The following ITK variants were observed in gnomAD, a reference collection of about 807,000 sequenced individuals.
ITK encodes tyrosine-protein kinase ITK/TSK.
A neutral mutation model predicts 87.6 loss-of-function variants in ITK; 45 were observed. That is an observed-to-expected ratio of 0.51 (90% confidence interval 0.40 to 0.66). The LOEUF is 0.66. Among genes scored for constraint, ITK ranks in the 30% least tolerant of loss-of-function variants. The probability of loss-of-function intolerance (pLI) is 0.00; values close to 1 mark genes in which losing one functional copy is unlikely to be tolerated. For missense variants in ITK, 605 were observed against 766.3 expected, an observed-to-expected ratio of 0.79 and a Z score of 2.48; for synonymous variants, 303 against 273.6, an observed-to-expected ratio of 1.11 and a Z score of -1.06.
At chr5:157,212,718 G>A (rs1754214846) in intron 3 of ITK, among the ~76,000 whole-genome samples, 1 of 152,054 alleles carries the variant, frequency 6.6e-6, no homozygotes, top group Admixed American at 6.6e-5. Flanking sequence ...CAGGCATGGT[G>A]GCACATGCCT....
chr5:157,186,679 A>T (rs1208778821), intron 1 of ITK, among the ~76,000 whole-genome samples: 3 of 108,204 alleles, frequency 2.8e-5, no homozygotes, highest in Non-Finnish European at 5.9e-5. Flanking sequence ...TCCGTCTCAA[A>T]AAAAGAGAGA....
chr5:157,235,418 G>A (rs1351371677), intron 8 of ITK, among the ~76,000 whole-genome samples: 1 of 152,158 alleles, frequency 6.6e-6, no homozygotes, highest in Non-Finnish European at 1.5e-5. Context: ...TCTTGTCTTT[G>A]AACCTTTATG....
At chr5:157,205,724 T>G (rs143001410) in intron 1 of ITK, among the ~76,000 whole-genome samples, 1 of 152,202 alleles carries the variant, frequency 6.6e-6, no homozygotes, top group Non-Finnish European at 1.5e-5. Context: ...CCATTCAGTA[T>G]GATGTTGGCT....
Position 157,208,906 on chromosome 5 carries a change from G to A in ITK, c.156G>A (p.Lys52=), listed in dbSNP as rs1258351156. The A allele has an allele frequency of 6.2e-7, 1 of 1,613,442 alleles. No individual in the cohort carries two copies. The highest frequency in any genetic ancestry group is 2.2e-5 in the East Asian group (1 of 44,854). The change falls in exon 2 of 17, where the codon AAG becomes AAA. Residue 52 remains lysine, a synonymous_variant. Coordinates refer to ENST00000422843, the MANE Select transcript of ITK (RefSeq NM_005546.4). The part of the protein sequence containing the change: ...EDRHGKKRTL[K]GSIELSRIKC... ...CCCCACAGAAGAAGCGCACGCTGAA[G>A]GGGTCCATTGAGCTCTCCCGAATCA...
At position 157,211,292 on chromosome 5, in the gene ITK, G is replaced by C; in HGVS notation, c.249G>C (p.Val83=). 1 of 1,613,704 alleles carries C rather than the reference G, an allele frequency of 6.2e-7. No homozygotes were observed. The highest frequency in any genetic ancestry group is 8.5e-7 in the Non-Finnish European group (1 of 1,179,680). ...CTCTGTGTGTGTGTCTCCAGGTGGT[G>C]CATGACAACTACCTCCTATATGTGT... ...PCHYKYPFQV[V]HDNYLLYVFA... Residue 83 remains valine, a synonymous_variant, in exon 3 of 17, where the codon GTG becomes GTC. Transcript: ENST00000422843.
rs1307622159 is a variant in ITK, at chr5:157,181,590, G to A, written c.138+475G>A. ...TTAGAATGGTTAAGTTTTGGGTTCA[G>A]TGTTAACGTTTTCATGAATAACTCT... On this transcript the variant is annotated intron_variant, in intron 1 of 16. Coordinates refer to ENST00000422843, the MANE Select transcript of ITK (RefSeq NM_005546.4). Among the ~76,000 whole-genome samples, 3 of 152,202 alleles carry A rather than the reference G, an allele frequency of 2.0e-5. No individual in the cohort carries two copies. The East Asian group carries it at 5.8e-4, about 29-fold the overall frequency.
At chr5:157,247,916 C>T (rs147186886) in intron 15 of ITK, among the ~76,000 whole-genome samples, 61 of 152,300 alleles carry the variant, frequency 4.0e-4, no homozygotes, top group South Asian at 2.1e-3. Flanking sequence ...GTTTCAGCAT[C>T]GGCACATTTT....
At chr5:157,229,775 G>A (rs79834934) in intron 7 of ITK, among the ~76,000 whole-genome samples, 2,486 of 152,264 alleles carry the variant, frequency 0.016, 27 homozygotes, top group Non-Finnish European at 0.027. Flanking sequence ...TTATCCGGGT[G>A]TGATGGCACA....
intron 1 of ITK, among the ~76,000 whole-genome samples, chr5:157,182,152 T>A (rs938902445): frequency 6.6e-6 from 1 of 152,278 alleles, no homozygotes; most frequent in Non-Finnish European, 1.5e-5. Flanking sequence ...ATATTATTTT[T>A]ACATCATTAG....
intron 1 of ITK, among the ~76,000 whole-genome samples, chr5:157,189,659 C>A (rs375942539): frequency 6.6e-6 from 1 of 151,938 alleles, no homozygotes; most frequent in Non-Finnish European, 1.5e-5. Flanking sequence ...CCAGCCTGGG[C>A]GACACAGCAA....
intron 11 of ITK, among the ~76,000 whole-genome samples, chr5:157,242,862 A>G (rs1161034563): frequency 3.3e-5 from 5 of 152,226 alleles, no homozygotes; most frequent in Non-Finnish European, 2.9e-5. Flanking sequence ...ATCCCTAACC[A>G]GCACCGTGTC....
chr5:157,252,793 G>A lies in ITK; in HGVS notation c.*115G>A. ...CCCAGGACCCTCCAGAGGCAGCCTG[G>A]CCTGTGGCATCAGTCCCTGAGTCAC... On this transcript the variant is annotated 3_prime_UTR_variant, in exon 17 of 17. Transcript: ENST00000422843. 2 of 822,518 alleles carry A rather than the reference G, an allele frequency of 2.4e-6. No individual in the cohort carries two copies. Among genetic ancestry groups the A allele is most frequent in the Non-Finnish European group, 4.2e-6 (2 of 474,378 alleles). The allele number at this position is 822,518 out of a possible 1,614,324, so 51.0% of individuals were successfully genotyped here.
chr5:157,215,392 C>T lies in ITK; in HGVS notation c.454+1073C>T, dbSNP rs1227896382. 7.2e-5 allele frequency among the ~76,000 whole-genome samples: 11 copies of T among 152,226 alleles called. No individual in the cohort carries two copies. In the South Asian group the frequency reaches 2.3e-3, roughly 32 times the overall value. On this transcript the variant is annotated intron_variant, in intron 4 of 16. Transcript: ENST00000422843. ...TCCTGATTCATAGGCCCTCTCATTG[C>T]CACTTTAAAAACCACCACTTTTCAC...
At chr5:157,196,791 A>G (rs1186792670) in intron 1 of ITK, among the ~76,000 whole-genome samples, 1 of 152,224 alleles carries the variant, frequency 6.6e-6, no homozygotes, top group Non-Finnish European at 1.5e-5. Context: ...TATTTTGGCT[A>G]CTGGTCCTTC....
At chr5:157,200,698 C>T (rs138277892) in intron 1 of ITK, among the ~76,000 whole-genome samples, 161 of 152,250 alleles carry the variant, frequency 1.1e-3, no homozygotes, top group Non-Finnish European at 4.3e-4. Context: ...GTGACGTTGA[C>T]GGTGGAACAT....
chr5:157,237,959 T>A, intron 8 of ITK, 150 bp from the exon 9 acceptor site: 1 of 683,014 alleles, frequency 1.5e-6, no homozygotes, highest in South Asian at 1.5e-5. Flanking sequence ...AGGACAGGAG[T>A]AAATGAAACG....
intron 1 of ITK, among the ~76,000 whole-genome samples, chr5:157,190,384 T>G (rs1301496734): frequency 1.3e-5 from 2 of 152,236 alleles, no homozygotes; most frequent in African/African-American, 4.8e-5. Flanking sequence ...ACATTTCAAT[T>G]TATTCATTTG....
chr5:157,249,500 G>A (rs1755098645), intron 16 of ITK, among the ~76,000 whole-genome samples: 1 of 152,206 alleles, frequency 6.6e-6, no homozygotes, highest in Admixed American at 6.5e-5. Context: ...ACCTTGGATT[G>A]CAGGCCATGG....
At chr5:157,203,288 T>G (rs1444133749) in intron 1 of ITK, among the ~76,000 whole-genome samples, 1 of 152,200 alleles carries the variant, frequency 6.6e-6, no homozygotes, top group Non-Finnish European at 1.5e-5. Context: ...TCCATAAATA[T>G]TTCCTGAATG....
Sources: gnomAD v4.1 joint callset for allele counts (sites outside exome capture counted in the v4.1 genomes callset) on GRCh38, gnomAD v4.1.1 for gene constraint, MANE v1.5 for transcripts, NCBI Gene and HGNC (gene_info 2026-07-23, HGNC 2026-07-21) for gene names.